TNPO3: variants seen among roughly 807,000 people sequenced by gnomAD.
TNPO3 encodes the protein transportin-3.
TNPO3 carries 65 observed loss-of-function variants against 122.8 expected under a neutral mutation model. That is an observed-to-expected ratio of 0.53 (90% CI 0.43 to 0.65). The LOEUF (loss-of-function observed/expected upper bound fraction) is 0.65. Among genes scored for constraint, TNPO3 ranks in the 30% least tolerant of loss-of-function variants. The probability of loss-of-function intolerance (pLI) is 0.00; values close to 1 mark genes in which losing one functional copy is unlikely to be tolerated. For missense variants in TNPO3, 850 were observed against 1,136.7 expected (o/e 0.75, Z 3.63); for synonymous variants, 372 against 411.2 (o/e 0.90, Z 1.15).
chr7:128,955,012 C>T lies in TNPO3; in HGVS notation c.*405G>A, dbSNP rs776039023. On this transcript the variant is annotated 3_prime_UTR_variant, in exon 23 of 23. Transcript: ENST00000265388. ...GTACACGTGCGCACTGGCGCTTGTG[C>T]GTGTATGTGTGTGTGCGTGCATGTG... is the stretch of plus-strand genomic sequence containing the variant. 6 of 243,976 alleles carry T rather than the reference C, an allele frequency of 2.5e-5. No homozygotes were observed. The highest frequency in any genetic ancestry group is 4.9e-5 in the Non-Finnish European group (6 of 122,034). 15.1% of individuals were successfully genotyped at this position (243,976 alleles called of 1,614,324 possible).
chr7:129,007,234 C>G (rs1396294926), intron 4 of TNPO3, among the ~76,000 whole-genome samples: 2 of 152,142 alleles, frequency 1.3e-5, no homozygotes, highest in Non-Finnish European at 2.9e-5. Flanking sequence ...CAATATGGCA[C>G]AGGTAGGAAA....
intron 21 of TNPO3, among the ~76,000 whole-genome samples, chr7:128,962,814 T>C (rs1230734377): frequency 3.0e-5 from 1 of 33,320 alleles, no homozygotes; most frequent in Non-Finnish European, 9.7e-5. Context: ...AGATAACAGG[T>C]TTTTTTTTTC....
chr7:128,970,430 ACG>A (rs1798348722), intron 19 of TNPO3, 115 bp from the exon 20 acceptor site: 34 of 932,072 alleles, frequency 3.6e-5, no homozygotes, highest in Admixed American at 1.0e-4. Flanking sequence ...GTGTGTGTGC[ACG>A]CGTGGCTGTG....
At chr7:128,968,443 C>T (rs1798134430) in intron 20 of TNPO3, among the ~76,000 whole-genome samples, 1 of 152,124 alleles carries the variant, frequency 6.6e-6, no homozygotes, top group Non-Finnish European at 1.5e-5. Context: ...TTCTTATTTT[C>T]AGTTTAATTG....
intron 1 of TNPO3, among the ~76,000 whole-genome samples, chr7:129,046,838 A>C (rs1351969351): frequency 6.6e-6 from 1 of 152,138 alleles, no homozygotes; most frequent in Non-Finnish European, 1.5e-5. Context: ...ACATTTATAA[A>C]ACCATCAGAA....
rs1485936972 is a variant in TNPO3, at chr7:128,970,103, A to T, written c.2598+45T>A. 5.6e-6 allele frequency: 9 copies of T among 1,611,814 alleles called. No homozygotes were observed. In the South Asian group the frequency reaches 9.9e-5, roughly 18 times the overall value. ...TGGCCTTAAGGAACCAAAGCCTATT[A>T]CATTTAGGGACTATGAGATAAATTC... is the stretch of plus-strand genomic sequence containing the variant. On this transcript the variant is annotated intron_variant, in intron 20 of 22. Coordinates refer to ENST00000265388, the MANE Select transcript of TNPO3 (RefSeq NM_012470.4).
intron 4 of TNPO3, among the ~76,000 whole-genome samples, chr7:129,011,247 G>A (rs971623057): frequency 1.3e-5 from 2 of 152,206 alleles, no homozygotes; most frequent in African/African-American, 4.8e-5. Flanking sequence ...AACAAGTCAT[G>A]TTATTTTAAA....
intron 18 of TNPO3, among the ~76,000 whole-genome samples, chr7:128,973,735 CAAAAAAAAAAAAA>C (rs71162544): frequency 3.8e-4 from 2 of 5,270 alleles, no homozygotes; most frequent in African/African-American, 1.1e-3. Context: ...GACTCCGTCT[CAAAAAAAAAAAAA>C]AAAAAAAAAA....
At chr7:129,003,901 T>A (rs1443520324) in intron 5 of TNPO3, among the ~76,000 whole-genome samples, 4 of 152,206 alleles carry the variant, frequency 2.6e-5, no homozygotes, top group Admixed American at 1.3e-4. Context: ...TGAAGTGTAT[T>A]CTACACTGTC....
chr7:129,014,482 C>A (rs1387025147), intron 4 of TNPO3, among the ~76,000 whole-genome samples: 1 of 152,056 alleles, frequency 6.6e-6, no homozygotes, highest in Non-Finnish European at 1.5e-5. Flanking sequence ...GAGATCATGC[C>A]ACTGCACTAC....
chr7:129,007,888 C>A (rs13238352), intron 4 of TNPO3, among the ~76,000 whole-genome samples: 1 of 152,058 alleles, frequency 6.6e-6, no homozygotes, highest in South Asian at 2.1e-4. Context: ...TGGTGGCTCA[C>A]GGCTGTAATC....
At chr7:129,053,377 C>G (rs1809031601) in intron 1 of TNPO3, among the ~76,000 whole-genome samples, 3 of 150,900 alleles carry the variant, frequency 2.0e-5, no homozygotes, top group Non-Finnish European at 2.9e-5. Flanking sequence ...CACCTGTAAT[C>G]CCAGCTACTC....
chr7:128,998,497 C>T lies in TNPO3; in HGVS notation c.1012-962G>A, dbSNP rs545226237. Among the ~76,000 whole-genome samples, 6 of 151,918 alleles carry T rather than the reference C, an allele frequency of 3.9e-5. No homozygotes were observed. In the South Asian group the frequency reaches 6.2e-4, roughly 16 times the overall value. ...GCCTCCTGAGTAGCTAGGAGGACTA[C>T]AGGCGCTTGCCACCATGTCTGGCTA... is the stretch of plus-strand genomic sequence containing the variant. On this transcript the variant is annotated intron_variant, in intron 7 of 22. Transcript: ENST00000265388.
In TNPO3 at chr7:129,028,998, A is replaced by T. The variant is rs892405546; in HGVS notation, c.121-10841T>A. The T allele has an allele frequency of 1.3e-4, 55 of 423,414 alleles. No individual in the cohort carries two copies. The Admixed American group carries it at 1.5e-3, about 11-fold the overall frequency. 26.2% of individuals were successfully genotyped at this position (423,414 alleles called of 1,614,324 possible). On this transcript the variant is annotated intron_variant, in intron 1 of 22. Coordinates refer to ENST00000265388, the MANE Select transcript of TNPO3 (RefSeq NM_012470.4). The stretch of plus-strand genomic sequence containing the variant: ...AAAATTAATGAATTTTCTTCTGATG[A>T]TGATTAGGATGCCTTCTATGTCATG...
chr7:129,053,789 C>A (rs1314569276), intron 1 of TNPO3, among the ~76,000 whole-genome samples: 1 of 152,074 alleles, frequency 6.6e-6, no homozygotes, highest in Admixed American at 6.5e-5. Flanking sequence ...TACATTAGAA[C>A]CTAAGTCAGC....
chr7:129,026,086 A>G (rs1189795177), intron 1 of TNPO3, among the ~76,000 whole-genome samples: 2 of 149,020 alleles, frequency 1.3e-5, no homozygotes, highest in South Asian at 4.3e-4. Flanking sequence ...AGATCATGCC[A>G]TTGCACTCCA....
chr7:128,969,324 T>C (rs902588620), intron 20 of TNPO3, among the ~76,000 whole-genome samples: 5 of 152,126 alleles, frequency 3.3e-5, no homozygotes, highest in African/African-American at 4.8e-5. Context: ...TGCTACTCTA[T>C]CAGGTTGAAA....
Position 129,013,194 on chromosome 7 carries a change from C to T in TNPO3, c.552+1785G>A, listed in dbSNP as rs77350208. On this transcript the variant is annotated intron_variant, in intron 4 of 22. Coordinates refer to ENST00000265388, the MANE Select transcript of TNPO3 (RefSeq NM_012470.4). ...ATGTGAACTATAAAACTACTACAAGCAAACATTAGGGAAATGCTGCAGGAC... is the reference window on the plus strand; with the variant it reads ...ATGTGAACTATAAAACTACTACAAGTAAACATTAGGGAAATGCTGCAGGAC... 2.8e-3 allele frequency among the ~76,000 whole-genome samples: 426 copies of T among 152,112 alleles called. 1 individual carries two copies. The highest frequency in any genetic ancestry group is 0.01 in the Middle Eastern group (3 of 294).
intron 18 of TNPO3, 102 bp downstream of exon 18, chr7:128,974,766 A>G (rs985293098): frequency 1.0e-6 from 1 of 954,754 alleles, no homozygotes; most frequent in African/African-American, 1.6e-5. Flanking sequence ...TACTTACTCC[A>G]GTGACTTCAT....
Sources: allele counts gnomAD v4.1 joint callset (sites outside exome capture counted in the v4.1 genomes callset), GRCh38; gene constraint gnomAD v4.1.1; transcripts MANE v1.5; gene names NCBI Gene and HGNC (gene_info 2026-07-23, HGNC 2026-07-21).